The following ASAP2 variants were observed in gnomAD, a reference collection of about 807,000 sequenced individuals.
The protein encoded by ASAP2 is ArfGAP with SH3 domain, ankyrin repeat and PH domain 2.
Under a neutral mutation model 131.4 loss-of-function variants are expected in ASAP2, and 45 were observed. The ratio of observed to expected loss-of-function variants is 0.34; its 90% CI spans 0.27 to 0.44. ASAP2 has a LOEUF of 0.44. ASAP2 is among the 20% of genes least tolerant of loss of function. The pLI, the probability that ASAP2 is intolerant of heterozygous loss-of-function variation, is 1.00. For missense variants in ASAP2, 1,011 were observed against 1,297.0 expected (o/e 0.78, Z 3.39); for synonymous variants, 510 against 503.0 (o/e 1.01, Z -0.19).
chr2:9,360,887 C>T (rs921047010), intron 15 of ASAP2, among the ~76,000 whole-genome samples: 1 of 152,142 alleles, frequency 6.6e-6, no homozygotes, highest in Non-Finnish European at 1.5e-5. Flanking sequence ...ACAGTTGACT[C>T]ATATGAGCTG....
At chr2:9,243,014 C>T (rs1000807876) in intron 1 of ASAP2, among the ~76,000 whole-genome samples, 5 of 152,274 alleles carry the variant, frequency 3.3e-5, no homozygotes, top group East Asian at 3.9e-4. Flanking sequence ...TAAGTATTAT[C>T]GGGAGAAGAA....
At position 9,207,737 on chromosome 2, in the gene ASAP2, C is replaced by T. The variant is rs1661228249; in HGVS notation, c.126+507C>T. ...CCCGGGCTGCCCGGGAAGGCGTGCC[C>T]GCCTCAGCCAGGGCGGCCTGGCTGC... On this transcript the variant is annotated intron_variant, in intron 1 of 27. Coordinates refer to ENST00000281419, the MANE Select transcript of ASAP2 (RefSeq NM_003887.3). This position sits in a 1 kb window ranked among gnomAD's most constrained non-coding sequence, Gnocchi z 4.1. Among the ~76,000 whole-genome samples the T allele has an allele frequency of 1.3e-5, 2 of 152,040 alleles. No homozygotes were observed. Among genetic ancestry groups the T allele is most frequent in the Admixed American group, 1.3e-4 (2 of 15,282 alleles).
In ASAP2 at chr2:9,339,219, CA is replaced by C. The variant is rs796937369; in HGVS notation, c.849+4041del. On this transcript the variant is annotated intron_variant, in intron 9 of 27. Transcript: ENST00000281419. ...AAACTGGGGACGGGGCAGGAGTTAG[CA>C]GAGTCCCAGCAGGTGAGGCTGGTGG... Among the ~76,000 whole-genome samples, 13 of 152,180 alleles carry C rather than the reference CA, an allele frequency of 8.5e-5. 1 individual carries two copies. The highest frequency in any genetic ancestry group is 3.1e-4 in the African/African-American group (13 of 41,522).
At chr2:9,312,189 C>A (rs1451980140) in intron 3 of ASAP2, among the ~76,000 whole-genome samples, 1 of 152,210 alleles carries the variant, frequency 6.6e-6, no homozygotes, top group Non-Finnish European at 1.5e-5. Flanking sequence ...ATCCCATCTT[C>A]CCCTTTGCTC....
At chr2:9,286,651 C>T (rs1399056923) in intron 2 of ASAP2, among the ~76,000 whole-genome samples, 2 of 152,060 alleles carry the variant, frequency 1.3e-5, no homozygotes, top group East Asian at 3.9e-4. Flanking sequence ...GGAAGGAGAT[C>T]CATGCACAAA....
chr2:9,336,290 C>T (rs2148569538), intron 9 of ASAP2, among the ~76,000 whole-genome samples: 1 of 151,952 alleles, frequency 6.6e-6, no homozygotes, highest in East Asian at 1.9e-4. Flanking sequence ...CAGGTCCCTC[C>T]CTCCCTCCCT....
chr2:9,234,968 A>C (rs1663438662), intron 1 of ASAP2, among the ~76,000 whole-genome samples: 1 of 152,154 alleles, frequency 6.6e-6, no homozygotes, highest in Non-Finnish European at 1.5e-5. Flanking sequence ...GAGGAATTTG[A>C]GAATGGCATG....
At chr2:9,358,710 C>T in intron 14 of ASAP2, 46 bp from the exon 15 acceptor site, 3 of 1,582,596 alleles carry the variant, frequency 1.9e-6, no homozygotes, top group South Asian at 1.1e-5. Flanking sequence ...GACTCCTGAC[C>T]CTCTTTTTTA....
chr2:9,312,802 G>T (rs934972209), intron 3 of ASAP2, among the ~76,000 whole-genome samples: 2 of 152,098 alleles, frequency 1.3e-5, no homozygotes, highest in African/African-American at 4.8e-5. Flanking sequence ...CCCCTCTCCT[G>T]CCACCACTGC....
At chr2:9,209,945 T>G (rs1276039728) in intron 1 of ASAP2, among the ~76,000 whole-genome samples, 2 of 152,392 alleles carry the variant, frequency 1.3e-5, no homozygotes, top group Non-Finnish European at 2.9e-5. Flanking sequence ...AAAGAATCAT[T>G]TTACAATTAA....
At chr2:9,238,971 C>CCT (rs1663749737) in intron 1 of ASAP2, among the ~76,000 whole-genome samples, 3 of 152,164 alleles carry the variant, frequency 2.0e-5, no homozygotes, top group Admixed American at 2.0e-4. Context: ...GTTCCCTGGG[C>CCT]CTCCCGCAGC....
chr2:9,318,752 A>G (rs1313652156), intron 4 of ASAP2, among the ~76,000 whole-genome samples, 154 bp downstream of exon 4: 1 of 152,096 alleles, frequency 6.6e-6, no homozygotes, highest in Middle Eastern at 3.2e-3. Context: ...CCATCTTGGG[A>G]CCACCTTTCA....
chr2:9,256,728 T>G (rs1422467541), intron 1 of ASAP2, among the ~76,000 whole-genome samples: 1 of 152,232 alleles, frequency 6.6e-6, no homozygotes, highest in Non-Finnish European at 1.5e-5. Flanking sequence ...AGTGTTCTCA[T>G]TGATTCCATT....
Position 9,381,597 on chromosome 2 carries a change from A to G in ASAP2, c.2016+789A>G, listed in dbSNP as rs571170882. Among the ~76,000 whole-genome samples the G allele has an allele frequency of 5.9e-5, 9 of 152,320 alleles. No homozygotes were observed. In the East Asian group the frequency reaches 9.6e-4, roughly 16 times the overall value. ...CAAATGATTTAAAAACTAGCAACGC[A>G]TGGTGGAGCATGCCTGTAGCCCCAG... On this transcript the variant is annotated intron_variant, in intron 20 of 27. Coordinates refer to ENST00000281419, the MANE Select transcript of ASAP2 (RefSeq NM_003887.3).
intron 6 of ASAP2, among the ~76,000 whole-genome samples, chr2:9,325,592 G>T (rs1025236375): frequency 2.0e-5 from 3 of 152,224 alleles, no homozygotes; most frequent in South Asian, 4.1e-4. Context: ...GTATGTGAAG[G>T]TCATAGCCAT....
chr2:9,401,153 G>C (rs1324571231), intron 26 of ASAP2, 121 bp from the exon 27 acceptor site: 8 of 1,288,406 alleles, frequency 6.2e-6, no homozygotes, highest in Non-Finnish European at 8.7e-6. Flanking sequence ...CTTGGCATCT[G>C]CAGGCTTCTC....
intron 1 of ASAP2, among the ~76,000 whole-genome samples, chr2:9,227,735 A>G (rs1662877473): frequency 6.6e-6 from 1 of 152,248 alleles, no homozygotes; most frequent in African/African-American, 2.4e-5. Flanking sequence ...TTGAGTTAAA[A>G]AAATATGTGG....
At chr2:9,224,018 T>C (rs2147993489) in intron 1 of ASAP2, among the ~76,000 whole-genome samples, 1 of 152,376 alleles carries the variant, frequency 6.6e-6, no homozygotes, top group East Asian at 1.9e-4. Context: ...TTATAAATTT[T>C]GATGAGCTTG....
At chr2:9,345,403 T>C (rs1026503565) in intron 11 of ASAP2, among the ~76,000 whole-genome samples, 2 of 152,104 alleles carry the variant, frequency 1.3e-5, no homozygotes, top group Non-Finnish European at 2.9e-5. Flanking sequence ...GAAAAGCCGG[T>C]CAGGATAAAG....
Sources: allele counts gnomAD v4.1 joint callset (sites outside exome capture counted in the v4.1 genomes callset), GRCh38; gene constraint gnomAD v4.1.1; non-coding constraint Gnocchi (gnomAD v3.1); transcripts MANE v1.5; gene names NCBI Gene and HGNC (gene_info 2026-07-23, HGNC 2026-07-21).